Variants in GABRB2 observed in about 807,000 individuals in gnomAD.
GABRB2 encodes gamma-aminobutyric acid receptor subunit beta-2.
GABRB2 carries 16 observed loss-of-function variants against 54.7 expected under a neutral mutation model. The observed-to-expected ratio is 0.29, with a 90% CI of 0.20 to 0.44. The LOEUF (loss-of-function observed/expected upper bound fraction) is 0.44, where lower values mean the gene tolerates loss of function less well. Among genes scored for constraint, GABRB2 ranks in the 20% least tolerant of loss-of-function variants. The pLI is 1.00. For missense variants in GABRB2, 355 were observed against 644.0 expected (o/e 0.55, Z 4.86); for synonymous variants, 244 against 233.8 (o/e 1.04, Z -0.40).
At chr5:161,299,270 A>G (rs1464439923) in intron 9 of GABRB2, among the ~76,000 whole-genome samples, 1 of 152,172 alleles carries the variant, frequency 6.6e-6, no homozygotes, top group Non-Finnish European at 1.5e-5. Context: ...CTCAGTTACT[A>G]TGTCTCTGCT....
At chr5:161,412,674 T>C (rs537480591) in intron 4 of GABRB2, among the ~76,000 whole-genome samples, 1 of 152,288 alleles carries the variant, frequency 6.6e-6, no homozygotes, top group East Asian at 1.9e-4. Flanking sequence ...TCTCACTCCA[T>C]GTCCTCAATC....
rs562391860 is a variant in GABRB2 at position 161,338,248 on chromosome 5, G to C, written c.542-1479C>G. On this transcript the variant is annotated intron_variant, in intron 5 of 9. Transcript: ENST00000393959. ...TTCATAAGAGTAGCCATCTTTATCT[G>C]ATGCAGAACTACAGTTTTTTGGAAG... 2.0e-5 allele frequency among the ~76,000 whole-genome samples: 3 copies of C among 152,206 alleles called. No homozygotes were observed. The East Asian group carries it at 5.8e-4, about 29-fold the overall frequency.
intron 4 of GABRB2, among the ~76,000 whole-genome samples, chr5:161,458,298 C>A (rs1007831908): frequency 1.3e-5 from 2 of 152,162 alleles, no homozygotes; most frequent in Admixed American, 1.3e-4. Flanking sequence ...TGCCAGTCAA[C>A]TTACCTTCTC....
intron 5 of GABRB2, among the ~76,000 whole-genome samples, chr5:161,352,141 A>G (rs1406709246): frequency 6.6e-6 from 1 of 152,034 alleles, no homozygotes; most frequent in Non-Finnish European, 1.5e-5. Flanking sequence ...ACAGTATAGA[A>G]GTTCTTCAAA....
chr5:161,433,202 C>A (rs1386464704), intron 4 of GABRB2, among the ~76,000 whole-genome samples: 1 of 152,044 alleles, frequency 6.6e-6, no homozygotes, highest in African/African-American at 2.4e-5. Flanking sequence ...ATGTATATAT[C>A]TACAGATAAA....
At chr5:161,331,223 A>G (rs1341366519) in intron 7 of GABRB2, 96 bp from the exon 8 acceptor site, 7 of 1,369,450 alleles carry the variant, frequency 5.1e-6, no homozygotes, top group African/African-American at 2.9e-5. Context: ...TTTCTCATTC[A>G]TATATGCCAC....
chr5:161,311,456 G>A (rs1006507214), intron 9 of GABRB2, among the ~76,000 whole-genome samples: 1 of 152,168 alleles, frequency 6.6e-6, no homozygotes, highest in African/African-American at 2.4e-5. Context: ...ACTTGGTTAT[G>A]TGACCCTGAG....
Position 161,350,253 on chromosome 5 carries a change from A to AT in GABRB2, c.542-13485dup, listed in dbSNP as rs201058781. On this transcript the variant is annotated intron_variant, in intron 5 of 9. Transcript: ENST00000393959. The stretch of plus-strand genomic sequence containing the variant: ...TCCACATTAGAAAGGAAGAAGTTAA[A>AT]TTGTCCCAGTTTGCAGATGATATGA... Among the ~76,000 whole-genome samples the AT allele has an allele frequency of 2.9e-3, 436 of 152,236 alleles. 6 individuals carry two copies. The highest frequency in any genetic ancestry group is 0.011 in the Admixed American group (169 of 15,264).
chr5:161,512,823 G>A (rs1268015415), intron 3 of GABRB2, among the ~76,000 whole-genome samples: 1 of 151,768 alleles, frequency 6.6e-6, no homozygotes, highest in Non-Finnish European at 1.5e-5. Flanking sequence ...TCCAACAAAG[G>A]TCTAGTACTC....
intron 3 of GABRB2, among the ~76,000 whole-genome samples, chr5:161,486,781 G>T (rs1203583190): frequency 6.6e-6 from 1 of 151,864 alleles, no homozygotes; most frequent in Non-Finnish European, 1.5e-5. Flanking sequence ...TTTCAGAGAG[G>T]CTTCAGCTCA....
At chr5:161,417,557 T>C (rs1756715238) in intron 4 of GABRB2, among the ~76,000 whole-genome samples, 1 of 152,220 alleles carries the variant, frequency 6.6e-6, no homozygotes, top group Non-Finnish European at 1.5e-5. Flanking sequence ...GATTGATCAA[T>C]TTCTTATATA....
At chr5:161,378,448 G>T (rs1026930499) in intron 5 of GABRB2, among the ~76,000 whole-genome samples, 6 of 151,984 alleles carry the variant, frequency 3.9e-5, no homozygotes, top group Admixed American at 1.3e-4. Context: ...ACTTATTCTA[G>T]CCCTTAAAAT....
intron 5 of GABRB2, among the ~76,000 whole-genome samples, chr5:161,408,770 T>C (rs750599084): frequency 1.3e-5 from 2 of 150,640 alleles, no homozygotes; most frequent in Non-Finnish European, 3.0e-5. Flanking sequence ...AAGAGAGAGA[T>C]GAGGGGAGAG....
chr5:161,313,064 A>G (rs933278863), intron 9 of GABRB2, among the ~76,000 whole-genome samples: 2 of 152,204 alleles, frequency 1.3e-5, no homozygotes, highest in Non-Finnish European at 2.9e-5. Context: ...TTCTCAGATC[A>G]GCTTTGTTGG....
chr5:161,495,205 C>CT (rs1285488123), intron 3 of GABRB2, among the ~76,000 whole-genome samples: 1 of 151,904 alleles, frequency 6.6e-6, no homozygotes, highest in Non-Finnish European at 1.5e-5. Flanking sequence ...CATCTGAACA[C>CT]TGTTATTGTA....
rs562419901 is a variant in GABRB2, at chr5:161,438,437, A to T, written c.458+21187T>A. On this transcript the variant is annotated intron_variant, in intron 4 of 9. Transcript: ENST00000393959. ...TCCCCAAGAGAGACAGCTACAAATA[A>T]GTCCAGACACTGAAGACCAGAATAC... 3.0e-4 allele frequency among the ~76,000 whole-genome samples: 45 copies of T among 152,290 alleles called. 1 individual carries two copies. The highest frequency in any genetic ancestry group is 1.1e-3 in the African/African-American group (45 of 41,564).
intron 4 of GABRB2, among the ~76,000 whole-genome samples, chr5:161,416,206 T>C (rs1756660254): frequency 6.6e-6 from 1 of 152,100 alleles, no homozygotes; most frequent in Non-Finnish European, 1.5e-5. Flanking sequence ...TCCCTAAGTG[T>C]TGAGATTGCA....
Position 161,289,451 on chromosome 5 carries a change from C to T in GABRB2, c.*4630G>A, listed in dbSNP as rs1757178167. ...GAGTCTTTGGTTGAAAGGAACAATACTACCTAAGGACAAAATACTATTATT... is the reference window on the plus strand; with the variant it reads ...GAGTCTTTGGTTGAAAGGAACAATATTACCTAAGGACAAAATACTATTATT... On this transcript the variant is annotated 3_prime_UTR_variant, in exon 10 of 10. Coordinates refer to ENST00000393959, the MANE Select transcript of GABRB2 (RefSeq NM_001371727.1). The T allele has an allele frequency of 6.0e-5, 9 of 149,824 alleles. No individual in the cohort carries two copies. In the South Asian group the frequency reaches 1.7e-3, roughly 28 times the overall value. 9.3% of individuals were successfully genotyped at this position (149,824 alleles called of 1,614,324 possible).
intron 3 of GABRB2, among the ~76,000 whole-genome samples, chr5:161,477,284 C>CAAAA (rs70990786): frequency 1.6e-5 from 2 of 127,850 alleles, no homozygotes; most frequent in African/African-American, 5.7e-5. Flanking sequence ...CAAACAAAAG[C>CAAAA]AAAAAAAAAA....
Sources: gnomAD v4.1 joint callset for allele counts (sites outside exome capture counted in the v4.1 genomes callset) on GRCh38, gnomAD v4.1.1 for gene constraint, MANE v1.5 for transcripts, NCBI Gene and HGNC (gene_info 2026-07-23, HGNC 2026-07-21) for gene names.